The following LMF1 variants were observed in gnomAD, a reference collection of about 807,000 sequenced individuals.
LMF1 encodes transmembrane protein 112.
In LMF1, 68 loss-of-function variants were observed where a neutral mutation model predicts 60.6. That is an observed-to-expected ratio of 1.12 (90% CI 0.92 to 1.37). The LOEUF (loss-of-function observed/expected upper bound fraction) is 1.37, where lower values mean the gene tolerates loss of function less well. Ranked by LOEUF, LMF1 falls within the 40% of genes most tolerant of loss-of-function variation. LMF1 has a pLI of 0.00. For synonymous variants in LMF1, 418 were observed against 324.7 expected (o/e 1.29, Z -3.09); for missense variants, 948 against 767.2 (o/e 1.24, Z -2.78).
intron 9 of LMF1, 120 bp from the exon 10 acceptor site, chr16:869,176 G>GA: frequency 1.3e-6 from 1 of 749,526 alleles, no homozygotes; most frequent in South Asian, 1.4e-5. Context: ...GGGTTCCCTG[G>GA]GCAGCCGCAC....
At chr16:907,180 TC>T (rs1028781434) in intron 4 of LMF1, among the ~76,000 whole-genome samples, 3 of 152,028 alleles carry the variant, frequency 2.0e-5, no homozygotes, top group Non-Finnish European at 4.4e-5. Context: ...GGCAGGTGGA[TC>T]ACAAGGTCAG....
chr16:976,408 G>C (rs1230208638), intron 1 of LMF1: 1 of 454,048 alleles, frequency 2.2e-6, no homozygotes, highest in Admixed American at 2.3e-5. Context: ...GTACTGCAGG[G>C]TTAGGGACAG....
chr16:856,972 T>C (rs1433202516), intron 10 of LMF1, among the ~76,000 whole-genome samples: 1 of 152,218 alleles, frequency 6.6e-6, no homozygotes, highest in Non-Finnish European at 1.5e-5. Flanking sequence ...TCCCCGACCT[T>C]CGGCCTCCTT....
Position 878,280 on chromosome 16 carries a change from C to T in LMF1, c.897+1290G>A, listed in dbSNP as rs1176337970. Among the ~76,000 whole-genome samples the T allele has an allele frequency of 6.6e-6, 1 of 152,092 alleles. No individual in the cohort carries two copies. Among genetic ancestry groups the T allele is most frequent in the African/African-American group, 2.4e-5 (1 of 41,396 alleles). ...TTCCCACTTAGATTCACGGCGACAT[C>T]GATGCCCACAGGGAAATCACCTGAT... On this transcript the variant is annotated intron_variant, in intron 6 of 10. Transcript: ENST00000262301. This position sits in a 1 kb window ranked among gnomAD's most constrained non-coding sequence, Gnocchi z 5.2.
At chr16:871,724 C>T (rs1567158088) in intron 6 of LMF1, 1 of 203,514 alleles carries the variant, frequency 4.9e-6, no homozygotes, top group Non-Finnish European at 9.9e-6. Context: ...TGAGTCCAAA[C>T]AGAGGAGGCT....
chr16:870,329 C>T (rs746433005), intron 8 of LMF1, among the ~76,000 whole-genome samples: 105 of 152,350 alleles, frequency 6.9e-4, no homozygotes, highest in Non-Finnish European at 1.0e-3. Context: ...CCATGCCCCT[C>T]GGCAGCTCAG....
chr16:967,531 C>G (rs2072950384), intron 1 of LMF1, among the ~76,000 whole-genome samples: 1 of 152,208 alleles, frequency 6.6e-6, no homozygotes, highest in African/African-American at 2.4e-5. Context: ...ACACCAAGAA[C>G]ATGGCACCCA....
At chr16:934,020 C>A (rs551105764) in intron 3 of LMF1, 5 of 1,498,988 alleles carry the variant, frequency 3.3e-6, no homozygotes, top group South Asian at 1.2e-5. Flanking sequence ...ATGCGTGCGA[C>A]CATCCGTCTC....
At chr16:883,528 A>G (rs2070225436) in intron 5 of LMF1, among the ~76,000 whole-genome samples, 2 of 152,258 alleles carry the variant, frequency 1.3e-5, no homozygotes, top group African/African-American at 4.8e-5. Flanking sequence ...CCCATTTTAG[A>G]GAAACCAAAG....
chr16:957,794 C>T (rs376119458), intron 1 of LMF1, among the ~76,000 whole-genome samples: 3 of 152,228 alleles, frequency 2.0e-5, no homozygotes, highest in South Asian at 2.1e-4. Flanking sequence ...GCCCCCGACC[C>T]GACACACAGA....
intron 6 of LMF1, among the ~76,000 whole-genome samples, chr16:879,093 C>T (rs1193324237): frequency 6.6e-6 from 1 of 151,580 alleles, no homozygotes; most frequent in African/African-American, 2.4e-5. Flanking sequence ...AGGGGGTACC[C>T]GGGGTTCCGG....
At chr16:949,095 AATG>A (rs2072352548) in intron 2 of LMF1, among the ~76,000 whole-genome samples, 1 of 86,192 alleles carries the variant, frequency 1.2e-5, no homozygotes, top group Non-Finnish European at 2.1e-5. Flanking sequence ...AGTCAGAGAC[AATG>A]ACAGAGCCAG....
intron 3 of LMF1, among the ~76,000 whole-genome samples, chr16:919,700 G>A (rs993119488): frequency 1.3e-5 from 2 of 152,114 alleles, no homozygotes; most frequent in Non-Finnish European, 2.9e-5. Context: ...GAGGTCTTGG[G>A]GAGAAAGACA....
At chr16:924,632 A>G (rs1026123618) in intron 3 of LMF1, among the ~76,000 whole-genome samples, 2 of 149,118 alleles carry the variant, frequency 1.3e-5, no homozygotes, top group African/African-American at 4.8e-5. Flanking sequence ...ATGACAGGGT[A>G]GGGCAGGGAC....
intron 4 of LMF1, among the ~76,000 whole-genome samples, chr16:893,586 G>C (rs1321046160): frequency 6.6e-6 from 1 of 152,130 alleles, no homozygotes; most frequent in Non-Finnish European, 1.5e-5. Flanking sequence ...CTGCTGTGAG[G>C]ACTCCTGGGG....
At position 913,478 on chromosome 16, in the gene LMF1, C is replaced by T. The variant is rs552231115; in HGVS notation, c.515-2399G>A. ...CCAACTCCTGCCCTGGCGCCTCGCC[C>T]GGTGCACCCATGTTAATGGCTCATT... On this transcript the variant is annotated intron_variant, in intron 3 of 10. Transcript: ENST00000262301. Among the ~76,000 whole-genome samples the T allele has an allele frequency of 7.9e-5, 12 of 152,360 alleles. No individual in the cohort carries two copies. The East Asian group carries it at 1.5e-3, about 20-fold the overall frequency.
At chr16:947,061 C>T (rs772696740) in intron 2 of LMF1, among the ~76,000 whole-genome samples, 6 of 152,228 alleles carry the variant, frequency 3.9e-5, no homozygotes, top group African/African-American at 7.2e-5. Context: ...CAAAGACACC[C>T]AGCACACAGC....
intron 1 of LMF1, among the ~76,000 whole-genome samples, chr16:960,548 C>T (rs2072807665): frequency 7.2e-6 from 1 of 139,328 alleles, no homozygotes; most frequent in Non-Finnish European, 1.6e-5. Flanking sequence ...GGGATCACGA[C>T]CCAGACACAG....
chr16:941,890 T>G (rs1198380572), intron 2 of LMF1, among the ~76,000 whole-genome samples: 1 of 152,240 alleles, frequency 6.6e-6, no homozygotes, highest in East Asian at 1.9e-4. Flanking sequence ...TTGTGTATAT[T>G]ACAGTATTAC....
Sources: allele counts gnomAD v4.1 joint callset (sites outside exome capture counted in the v4.1 genomes callset), GRCh38; gene constraint gnomAD v4.1.1; non-coding constraint Gnocchi (gnomAD v3.1); transcripts MANE v1.5; gene names NCBI Gene and HGNC (gene_info 2026-07-23, HGNC 2026-07-21).